Variants in CYBB observed in about 807,000 individuals in gnomAD.
The protein encoded by CYBB is cytochrome b-245 beta chain, also known as NADPH oxidase 2.
CYBB carries 5 observed loss-of-function variants against 46.5 expected under a neutral mutation model. The observed-to-expected ratio is 0.11, with a 90% CI of 0.06 to 0.23. The LOEUF (loss-of-function observed/expected upper bound fraction) is 0.23. CYBB is among the 10% of genes least tolerant of loss of function. CYBB has a pLI of 1.00. For synonymous variants in CYBB, 183 were observed against 156.7 expected, an observed-to-expected ratio of 1.17 and a Z score of -1.26; for missense variants, 307 against 428.3, an observed-to-expected ratio of 0.72 and a Z score of 2.50.
chrX:37,811,121 C>T lies in CYBB; in HGVS notation c.*204C>T. 1 of 369,516 alleles carries T rather than the reference C, an allele frequency of 2.7e-6. No homozygotes were observed. The highest frequency in any genetic ancestry group is 4.7e-6 in the Non-Finnish European group (1 of 212,217). The allele number at this position is 369,516 out of a possible 1,213,427, so 30.5% of individuals were successfully genotyped here. On this transcript the variant is annotated 3_prime_UTR_variant, in exon 13 of 13. Transcript: ENST00000378588. ...CTCTATGGTTTTGAGAGCACTTTTACAAACATTATTTCATTTTTTTCCTCT... is the reference window on the plus strand; with the variant it reads ...CTCTATGGTTTTGAGAGCACTTTTATAAACATTATTTCATTTTTTTCCTCT...
At chrX:37,798,760 G>A (rs1929369595) in intron 6 of CYBB, among the ~76,000 whole-genome samples, 195 bp from the exon 7 acceptor site, 1 of 111,904 alleles carries the variant, frequency 8.9e-6, no homozygotes, top group African/African-American at 3.2e-5. Context: ...TTTGGTAATT[G>A]CACATATATT....
chrX:37,781,563 A>G (rs868938002), intron 1 of CYBB, among the ~76,000 whole-genome samples: 3 of 111,818 alleles, frequency 2.7e-5, no homozygotes, highest in Middle Eastern at 9.1e-3. Context: ...ACTATGCTCA[A>G]TATTCTCTCC....
chrX:37,782,889 A>G (rs1602174632), intron 2 of CYBB, among the ~76,000 whole-genome samples: 1 of 111,947 alleles, frequency 8.9e-6, no homozygotes, highest in Non-Finnish European at 1.9e-5. Context: ...TTGTTAGCTT[A>G]TTCACATTGA....
At chrX:37,782,767 C>G (rs1473721818) in intron 2 of CYBB, among the ~76,000 whole-genome samples, 1 of 111,258 alleles carries the variant, frequency 9.0e-6, no homozygotes, top group Non-Finnish European at 1.9e-5. Context: ...CAGAAGACAT[C>G]TGTTACATCA....
At chrX:37,797,926 A>T (rs1356200463) in intron 6 of CYBB, among the ~76,000 whole-genome samples, 1 of 111,963 alleles carries the variant, frequency 8.9e-6, no homozygotes, top group Non-Finnish European at 1.9e-5. Flanking sequence ...TGGGGGTAAT[A>T]ATACTTGCCT....
At chrX:37,799,494 T>G (rs147083599) in intron 7 of CYBB, among the ~76,000 whole-genome samples, 2,451 of 111,495 alleles carry the variant, frequency 0.022, 26 homozygotes, top group Non-Finnish European at 0.035. Context: ...CATAATACTT[T>G]CTATACAGCT....
chrX:37,809,528 A>C (rs1166261110), intron 11 of CYBB, 39 bp from the exon 12 acceptor site: 1 of 1,172,511 alleles, frequency 8.5e-7, no homozygotes, highest in African/African-American at 1.8e-5. Context: ...CTTTTACAGA[A>C]TGTCTCTTTT....
intron 11 of CYBB, among the ~76,000 whole-genome samples, chrX:37,807,281 A>G (rs1929585036): frequency 1.8e-5 from 2 of 110,042 alleles, no homozygotes; most frequent in East Asian, 2.8e-4. Flanking sequence ...GCATCTGTTT[A>G]TATAACATAC....
At chrX:37,788,445 T>C (rs1257667060) in intron 3 of CYBB, among the ~76,000 whole-genome samples, 1 of 112,096 alleles carries the variant, frequency 8.9e-6, no homozygotes, top group Non-Finnish European at 1.9e-5. Context: ...GATTAAAAGA[T>C]TTTTTTAAGT....
chrX:37,803,785 G>A (rs2146816973), intron 8 of CYBB, 92 bp from the exon 9 acceptor site: 1 of 973,154 alleles, frequency 1.0e-6, no homozygotes, highest in South Asian at 2.0e-5. Flanking sequence ...ATCTAAGTGG[G>A]CCAATTTAGC....
At chrX:37,788,426 C>T (rs1258388464) in intron 3 of CYBB, among the ~76,000 whole-genome samples, 1 of 111,707 alleles carries the variant, frequency 9.0e-6, no homozygotes, top group Non-Finnish European at 1.9e-5. Context: ...ATTTATGCAG[C>T]CAAATAATGA....
At chrX:37,796,639 A>G (rs1602180281) in intron 6 of CYBB, among the ~76,000 whole-genome samples, 1 of 112,053 alleles carries the variant, frequency 8.9e-6, no homozygotes, top group Admixed American at 9.4e-5. Context: ...CAGGAAAAAT[A>G]TGTGGTTGTT....
At chrX:37,805,688 C>A (rs911330325) in intron 10 of CYBB, among the ~76,000 whole-genome samples, 13 of 110,925 alleles carry the variant, frequency 1.2e-4, no homozygotes, top group Non-Finnish European at 1.7e-4. Context: ...GAGATTGATT[C>A]AATTTCCAGC....
chrX:37,792,020 T>C lies in CYBB; in HGVS notation c.298T>C (p.Phe100Leu). The part of the protein sequence containing the change: ...VRRQLDRNLT[F>L]HKMVAWMIAL... ...AAGACAACTGGACAGGAATCTCACC[T>C]TTCATAAAATGGTGGCATGGATGAT... Residue 100 changes from phenylalanine to leucine, a missense_variant, in exon 4 of 13, where the codon TTT becomes CTT. Physicochemically the swap from Phe to Leu is conservative, Grantham distance 22. Transcript: ENST00000378588. The C allele has an allele frequency of 8.3e-7, 1 of 1,207,192 alleles. No homozygotes were observed. The highest frequency in any genetic ancestry group is 1.1e-6 in the Non-Finnish European group (1 of 891,431).
In CYBB at chrX:37,795,933, T is replaced by TGA; in HGVS notation, c.484-17_484-16insAG. ...GTGTGTGTGTGTGTGTGTGTGTGTG[T>TGA]GTGTTTATATTTTACAGAACCCTGA... On this transcript the variant is annotated splice_polypyrimidine_tract_variant and intron_variant, in intron 5 of 12. Transcript: ENST00000378588. 1 of 1,076,160 alleles carries TGA rather than the reference T, an allele frequency of 9.3e-7. No individual in the cohort carries two copies. Among genetic ancestry groups the TGA allele is most frequent in the Non-Finnish European group, 1.3e-6 (1 of 779,984 alleles). 88.7% of individuals were successfully genotyped at this position (1,076,160 alleles called of 1,213,427 possible). A position where few individuals can be genotyped will look rare whatever the true frequency, so the allele number is the denominator to read the frequency against.
At chrX:37,796,283 T>A in intron 6 of CYBB, 142 bp downstream of exon 6, 1 of 553,003 alleles carries the variant, frequency 1.8e-6, no homozygotes, top group Non-Finnish European at 3.1e-6. Context: ...CAGAGGTCAG[T>A]TTGATAGAAA....
intron 7 of CYBB, among the ~76,000 whole-genome samples, chrX:37,799,523 A>G (rs1020698317): frequency 4.5e-5 from 5 of 111,671 alleles, no homozygotes; most frequent in Admixed American, 9.5e-5. Flanking sequence ...TGAAAAGGAA[A>G]TTGATGAGGT....
intron 6 of CYBB, chrX:37,798,221 G>A (rs1380479179): frequency 9.0e-6 from 1 of 111,057 alleles, no homozygotes; most frequent in Non-Finnish European, 1.9e-5. Flanking sequence ...CTCAACGTTG[G>A]GCCTTCCTCT....
intron 3 of CYBB, among the ~76,000 whole-genome samples, chrX:37,790,076 C>T (rs1342673383): frequency 8.9e-6 from 1 of 111,851 alleles, no homozygotes; most frequent in Non-Finnish European, 1.9e-5. Flanking sequence ...AACACCCAAG[C>T]TTCTTAACCC....
Sources: gnomAD v4.1 joint callset for allele counts (sites outside exome capture counted in the v4.1 genomes callset) on GRCh38, gnomAD v4.1.1 for gene constraint, MANE v1.5 for transcripts, NCBI Gene and HGNC (gene_info 2026-07-23, HGNC 2026-07-21) for gene names.